The following MED13 variants were observed in gnomAD, a reference collection of about 807,000 sequenced individuals.
MED13 encodes mediator of RNA polymerase II transcription subunit 13.
In MED13, 23 loss-of-function variants were observed where a neutral mutation model predicts 225.2. The observed-to-expected ratio is 0.10, with a 90% CI of 0.07 to 0.14. The LOEUF (loss-of-function observed/expected upper bound fraction) is 0.14. MED13 is among the 10% of genes least tolerant of loss of function. The pLI is 1.00. For synonymous variants in MED13, 942 were observed against 889.2 expected (o/e 1.06, Z -1.06); for missense variants, 2,197 against 2,594.5 (o/e 0.85, Z 3.33).
intron 8 of MED13, among the ~76,000 whole-genome samples, chr17:62,021,796 C>T (rs1042110434): frequency 4.6e-5 from 7 of 152,262 alleles, no homozygotes; most frequent in East Asian, 1.9e-4. Flanking sequence ...ATAGCCCTCT[C>T]GCCTACAACT....
rs1392949613 is a variant in MED13, at chr17:62,063,106, C to T, written c.262G>A (p.Asp88Asn). Residue 88 changes from aspartate to asparagine, a missense_variant, in exon 2 of 30, where the codon GAC becomes AAC. By Grantham distance (23) the Asp-to-Asn change is conservative. Coordinates refer to ENST00000397786, the MANE Select transcript of MED13 (RefSeq NM_005121.3). ...TGAATAAGGTCAGCAAAACTGGGGT[C>T]TTCACCCCACCAAAATATCCACAAT... ...RELWIFWWGE[D>N]PSFADLIHHD... The T allele has an allele frequency of 2.5e-6, 4 of 1,614,110 alleles. No individual in the cohort carries two copies. In the East Asian group the frequency reaches 6.7e-5, roughly 27 times the overall value.
At chr17:62,029,381 T>C in intron 8 of MED13, 160 bp downstream of exon 8, 1 of 606,578 alleles carries the variant, frequency 1.6e-6, no homozygotes, top group Admixed American at 3.0e-5. Context: ...TGTACTTCTA[T>C]AATCAGCTTC....
intron 11 of MED13, among the ~76,000 whole-genome samples, 184 bp from the exon 12 acceptor site, chr17:61,987,312 G>T (rs1257693420): frequency 6.6e-6 from 1 of 152,150 alleles, no homozygotes; most frequent in Admixed American, 6.5e-5. Flanking sequence ...GCAGGCGCAT[G>T]TAATCCCAGC....
intron 11 of MED13, among the ~76,000 whole-genome samples, chr17:61,989,982 A>G (rs1341707589): frequency 6.6e-6 from 1 of 152,232 alleles, no homozygotes; most frequent in East Asian, 1.9e-4. Flanking sequence ...TGAATTTTCA[A>G]GCTACCTAGA....
At chr17:61,947,110 G>GTATTTCATCATTTT in intron 28 of MED13, 93 bp from the exon 29 acceptor site, 12 of 821,414 alleles carry the variant, frequency 1.5e-5, no homozygotes, top group Non-Finnish European at 2.2e-5. Context: ...CTTATAAAAT[G>GTATTTCATCATTTT]ATGAAATACA....
intron 9 of MED13, chr17:62,003,599 C>CAAAAAAAAAAAAAACAAAAAAAA: frequency 1.9e-5 from 1 of 51,744 alleles, no homozygotes; most frequent in Admixed American, 2.9e-4. Context: ...CAGCAAAACT[C>CAAAAAAAAAAAAAACAAAAAAAA]AAAAAAAAAA....
rs1270621696 is a variant in MED13 at position 61,965,092 on chromosome 17, C to T, written c.4758G>A (p.Gly1586=). The T allele has an allele frequency of 8.7e-6, 14 of 1,614,134 alleles. No individual in the cohort carries two copies. Among genetic ancestry groups the T allele is most frequent in the Non-Finnish European group, 1.2e-5 (14 of 1,180,014 alleles). ...ANTVQSGQLG[G]QQTSALQTAG... is the part of the protein sequence containing the mutation. ...CTGTCTGTAGAGCTGATGTCTGTTG[C>T]CCTCCTAGCTGACCACTCTGAACTG... The change falls in exon 20 of 30, where the codon GGG becomes GGA. Residue 1586 remains glycine (G), a synonymous_variant. Transcript: ENST00000397786.
At chr17:62,053,458 AC>A (rs1482738331) in intron 2 of MED13, among the ~76,000 whole-genome samples, 1 of 152,204 alleles carries the variant, frequency 6.6e-6, no homozygotes, top group Non-Finnish European at 1.5e-5. Context: ...TACCAAAAAA[AC>A]ATTAACACAG....
In MED13 at chr17:61,984,700, T is replaced by G; in HGVS notation, c.2642A>C (p.Lys881Thr). ...ACAGAATCCCTCATCAACCTCAATT[T>G]TGAACTGCGCTCCTATACTAGAACT... is the stretch of plus-strand genomic sequence containing the variant. ...GNSSSIGAQFKIEVDEGFCSP... is the reference protein window; with the variant it reads ...GNSSSIGAQFTIEVDEGFCSP... Residue 881 changes from lysine (K) to threonine (T), a missense_variant, in exon 14 of 30, where the codon AAA (lysine) becomes ACA (threonine). Physicochemically the swap from Lys to Thr is moderately conservative, Grantham distance 78. Transcript: ENST00000397786. 1 of 1,613,912 alleles carries G rather than the reference T, an allele frequency of 6.2e-7. No individual in the cohort carries two copies. The highest frequency in any genetic ancestry group is 1.1e-5 in the South Asian group (1 of 91,038).
intron 1 of MED13, among the ~76,000 whole-genome samples, chr17:62,064,101 A>G (rs1399517043): frequency 6.6e-6 from 1 of 152,242 alleles, no homozygotes; most frequent in Non-Finnish European, 1.5e-5. Flanking sequence ...CTGCTGATAC[A>G]TGACTGGCAG....
intron 2 of MED13, among the ~76,000 whole-genome samples, chr17:62,058,417 A>G (rs2081011667): frequency 6.7e-6 from 1 of 149,210 alleles, no homozygotes; most frequent in African/African-American, 2.5e-5. Context: ...ACTACTCGGG[A>G]GGCTGAGGCA....
chr17:61,961,891 T>C (rs1470587883), intron 21 of MED13, 112 bp from the exon 22 acceptor site: 67 of 1,013,494 alleles, frequency 6.6e-5, no homozygotes, highest in Non-Finnish European at 8.9e-5. Context: ...CAAAACCTAA[T>C]TTAAATGAAA....
chr17:61,957,804 T>G (rs2079960967), intron 23 of MED13, among the ~76,000 whole-genome samples: 1 of 152,242 alleles, frequency 6.6e-6, no homozygotes, highest in Non-Finnish European at 1.5e-5. Flanking sequence ...GTTTTCTGCA[T>G]ACATGTCCTT....
At chr17:62,019,244 T>C (rs750956709) in intron 8 of MED13, among the ~76,000 whole-genome samples, 9 of 152,256 alleles carry the variant, frequency 5.9e-5, no homozygotes, top group Non-Finnish European at 1.3e-4. Flanking sequence ...TTAAAGAGAC[T>C]TGCACAACTG....
intron 3 of MED13, among the ~76,000 whole-genome samples, chr17:62,037,955 C>CAAAAAAAAAAAAAA (rs397857634): frequency 3.1e-5 from 2 of 64,760 alleles, no homozygotes; most frequent in East Asian, 4.8e-4. Flanking sequence ...GACTTCATCT[C>CAAAAAAAAAAAAAA]AAAAAAAAAA....
intron 7 of MED13, 26 bp from the exon 8 acceptor site, chr17:62,029,677 TTAAAATTCA>T: frequency 6.3e-7 from 1 of 1,587,260 alleles, no homozygotes; most frequent in Non-Finnish European, 8.6e-7. Context: ...ACAAAATTCT[TTAAAATTCA>T]TAAAATTTTC....
At position 61,984,759 on chromosome 17, in the gene MED13, A is replaced by G; in HGVS notation, c.2583T>C (p.Asp861=). The change falls in exon 14 of 30, where the codon GAT becomes GAC. Residue 861 remains aspartate, a synonymous_variant. Coordinates refer to ENST00000397786, the MANE Select transcript of MED13 (RefSeq NM_005121.3). ...CTAGAACAGTTCCTCCAGGTGTTGT[A>G]TCCATACTACCATATTCTTTATTAT... ...NMNNKEYGSM[D]TTPGGTVLEG... The G allele has an allele frequency of 3.7e-6, 6 of 1,613,724 alleles. No individual in the cohort carries two copies. The highest frequency in any genetic ancestry group is 5.1e-6 in the Non-Finnish European group (6 of 1,179,628).
At chr17:62,048,047 T>TACATATACATATACATAC (rs891955999) in intron 3 of MED13, among the ~76,000 whole-genome samples, 1 of 138,538 alleles carries the variant, frequency 7.2e-6, no homozygotes, top group African/African-American at 2.6e-5. Flanking sequence ...CATATACATA[T>TACATATACATATACATAC]ATATATATAT....
Position 61,955,530 on chromosome 17 carries a change from C to T in MED13, c.5820G>A (p.Thr1940=), listed in dbSNP as rs59950875. 7.3e-4 allele frequency: 1,154 copies of T among 1,574,976 alleles called. 10 individuals carry two copies. The African/African-American group carries it at 0.014, about 19-fold the overall frequency. The part of the protein sequence containing the change: ...VSTGSVFGRS[T]TLNMQTSQLN... ...GCTGAGATGTCTGCATATTTAGAGT[C>T]GTGCTTCTTCCAAATACAGAACCAG... The change falls in exon 26 of 30, where the codon ACG becomes ACA. Residue 1940 remains threonine, a synonymous_variant. Coordinates refer to ENST00000397786, the MANE Select transcript of MED13 (RefSeq NM_005121.3).
Sources: allele counts gnomAD v4.1 joint callset (sites outside exome capture counted in the v4.1 genomes callset), GRCh38; gene constraint gnomAD v4.1.1; transcripts MANE v1.5; gene names NCBI Gene and HGNC (gene_info 2026-07-23, HGNC 2026-07-21).